PXDC1: variants seen among roughly 807,000 people sequenced by gnomAD.
The protein encoded by PXDC1 is PX domain containing 1.
A neutral mutation model predicts 24.4 loss-of-function variants in PXDC1; 13 were observed. That is an observed-to-expected ratio of 0.53 (90% CI 0.35 to 0.85). PXDC1 has a LOEUF of 0.85. Among genes scored for constraint, PXDC1 ranks in the 40% least tolerant of loss-of-function variants. PXDC1 has a pLI of 0.01. For missense variants in PXDC1, 344 were observed against 309.3 expected (o/e 1.11, Z -0.84); for synonymous variants, 162 against 124.9 (o/e 1.30, Z -1.98).
At position 3,751,536 on chromosome 6, in the gene PXDC1, C is replaced by T. The variant is rs778833497; in HGVS notation, c.-5G>A. On this transcript the variant is annotated 5_prime_UTR_variant, in exon 1 of 5. Transcript: ENST00000380283. Reference sequence around the variant, plus strand: ...CTCAAACACCGCCGAGGCCATGTCGCACGCATGCCCCCGCCAAGGGCTCCC... The same window carrying T: ...CTCAAACACCGCCGAGGCCATGTCGTACGCATGCCCCCGCCAAGGGCTCCC... The T allele has an allele frequency of 3.2e-5, 50 of 1,565,304 alleles. No homozygotes were observed. In the Middle Eastern group the frequency reaches 6.7e-4, roughly 21 times the overall value.
In PXDC1 at chr6:3,735,971, C is replaced by T. The variant is rs1760307149; in HGVS notation, c.466+1108G>A. On this transcript the variant is annotated intron_variant, in intron 3 of 4. Transcript: ENST00000380283. ...GGGTCAGGTGTGCCACCACCCTGCG[C>T]ACACACAATCCTATTAATATCTACA... Among the ~76,000 whole-genome samples, 4 of 152,288 alleles carry T rather than the reference C, an allele frequency of 2.6e-5. No individual in the cohort carries two copies. In the South Asian group the frequency reaches 6.2e-4, roughly 24 times the overall value.
chr6:3,747,352 C>T (rs1760593661), intron 1 of PXDC1, among the ~76,000 whole-genome samples: 2 of 152,188 alleles, frequency 1.3e-5, no homozygotes, highest in African/African-American at 2.4e-5. Flanking sequence ...CCTGCCTCCA[C>T]GCCTCCCCTG....
At chr6:3,748,333 A>T (rs1760614209) in intron 1 of PXDC1, among the ~76,000 whole-genome samples, 7 of 152,074 alleles carry the variant, frequency 4.6e-5, no homozygotes, top group Admixed American at 4.6e-4. Flanking sequence ...TCCAATCTGG[A>T]TGGAGAAGAA....
At chr6:3,726,034 C>T (rs974857154) in intron 4 of PXDC1, among the ~76,000 whole-genome samples, 10 of 152,184 alleles carry the variant, frequency 6.6e-5, no homozygotes, top group African/African-American at 1.9e-4. Flanking sequence ...TTCTTCCCTC[C>T]GTGTGTTTCT....
Position 3,725,619 on chromosome 6 carries a change from G to A in PXDC1, c.579-1883C>T, listed in dbSNP as rs1288872722. On this transcript the variant is annotated intron_variant, in intron 4 of 4. Transcript: ENST00000380283. This position sits in a 1 kb window ranked among gnomAD's most constrained non-coding sequence, Gnocchi z 4.8. ...AGGCTCGGGCCAGACAATCAGCCTC[G>A]GGTGCCAGGGAGGACAGCCACGCAG... Among the ~76,000 whole-genome samples the A allele has an allele frequency of 1.3e-5, 2 of 152,172 alleles. No homozygotes were observed. The highest frequency in any genetic ancestry group is 2.4e-5 in the African/African-American group (1 of 41,442).
chr6:3,732,719 G>A (rs1020336116), intron 3 of PXDC1, among the ~76,000 whole-genome samples: 7 of 152,282 alleles, frequency 4.6e-5, no homozygotes, highest in South Asian at 2.1e-4. Context: ...TGCTAGCGCC[G>A]GGCGCCATCT....
rs1760133316 is a variant in PXDC1, at chr6:3,728,874, C to T, written c.467-1212G>A. Among the ~76,000 whole-genome samples the T allele has an allele frequency of 6.6e-6, 1 of 152,152 alleles. No individual in the cohort carries two copies. The highest frequency in any genetic ancestry group is 1.5e-5 in the Non-Finnish European group (1 of 68,032). ...TTGGAGCTAAAGTCCTCCAGCTGCC[C>T]GTGAGCCTGCTCATCTCCTAACCAC... On this transcript the variant is annotated intron_variant, in intron 3 of 4. Transcript: ENST00000380283. This position sits in a 1 kb window ranked among gnomAD's most constrained non-coding sequence, Gnocchi z 4.0.
At chr6:3,749,408 A>G (rs183996575) in intron 1 of PXDC1, among the ~76,000 whole-genome samples, 1 of 150,308 alleles carries the variant, frequency 6.7e-6, no homozygotes, top group African/African-American at 2.4e-5. Context: ...CCTTTTCTCC[A>G]CGGTAATCGC....
In PXDC1 at chr6:3,751,301, T is replaced by C. The variant is rs79825275; in HGVS notation, c.231A>G (p.Glu77=). 6.1e-3 allele frequency: 9,421 copies of C among 1,537,934 alleles called. 510 individuals carry two copies. The African/African-American group carries it at 0.12, about 19-fold the overall frequency. Residue 77 remains glutamate (E), a synonymous_variant, in exon 1 of 5, where the codon GAA becomes GAG. Coordinates refer to ENST00000380283, the MANE Select transcript of PXDC1 (RefSeq NM_183373.4). ...CTTGCCGCAGCGGCCCCTGCGCCAG[T>C]TCGGACCGGTCCTCGGGAAAGGCGT... ...LRDAFPEDRS[E]LAQGPLRQGL...
rs759160711 is a variant in PXDC1 at position 3,723,697 on chromosome 6, G to A, written c.618C>T (p.Asp206=). The A allele has an allele frequency of 1.9e-5, 30 of 1,614,050 alleles. No individual in the cohort carries two copies. The highest frequency in any genetic ancestry group is 1.6e-4 in the Middle Eastern group (1 of 6,084). The change falls in exon 5 of 5, where the codon GAC becomes GAT. Residue 206 remains aspartate, a synonymous_variant. Coordinates refer to ENST00000380283, the MANE Select transcript of PXDC1 (RefSeq NM_183373.4). The stretch of plus-strand genomic sequence containing the variant: ...TGACGTAGGCTGCTGGGTCGTCCCC[G>A]TCCTCCAGCTCTGAGGGAAACTCAC... ...NGSEFPSELE[D]GDDPAAYVTN...
chr6:3,750,043 G>A (rs1378026574), intron 1 of PXDC1, among the ~76,000 whole-genome samples: 1 of 152,268 alleles, frequency 6.6e-6, no homozygotes, highest in Admixed American at 6.5e-5. Context: ...AGGCTCTGGG[G>A]AGCAGAGGGA....
chr6:3,751,455 C>A lies in PXDC1; in HGVS notation c.77G>T (p.Arg26Met). The change falls in exon 1 of 5, where the codon AGG becomes ATG. Residue 26 changes from arginine (R) to methionine (M), a missense_variant. By Grantham distance (91) the Arg-to-Met change is moderately conservative. Transcript: ENST00000380283. ...GTCGCCGCGCCGGCTGACGATGAGC[C>A]TGCGGATGCCGTTCACCCAGCAGCC... ...VRGCWVNGIR[R>M]LIVSRRGDEE... 1 of 1,601,950 alleles carries A rather than the reference C, an allele frequency of 6.2e-7. No homozygotes were observed. Among genetic ancestry groups the A allele is most frequent in the Non-Finnish European group, 8.5e-7 (1 of 1,175,500 alleles).
chr6:3,732,838 C>T (rs940482624), intron 3 of PXDC1, among the ~76,000 whole-genome samples: 4 of 151,984 alleles, frequency 2.6e-5, no homozygotes, highest in Admixed American at 2.6e-4. Flanking sequence ...AGTGCCTGTT[C>T]CCCATGGCAC....
chr6:3,749,256 T>G (rs1196730262), intron 1 of PXDC1, among the ~76,000 whole-genome samples: 1 of 150,718 alleles, frequency 6.6e-6, no homozygotes, highest in African/African-American at 2.4e-5. Context: ...AGTTCCACGG[T>G]GTGCTGTGAG....
chr6:3,727,499 G>A, intron 4 of PXDC1, 52 bp downstream of exon 4: 1 of 1,329,598 alleles, frequency 7.5e-7, no homozygotes, highest in Admixed American at 1.7e-5. Flanking sequence ...CATCCCACAA[G>A]GCAAATGGCT....
In PXDC1 at chr6:3,751,219, T is replaced by C. The variant is rs1011907252; in HGVS notation, c.256+57A>G. On this transcript the variant is annotated intron_variant, in intron 1 of 4. Coordinates refer to ENST00000380283, the MANE Select transcript of PXDC1 (RefSeq NM_183373.4). ...GGTTGAAGTCTCTTCCCCGCCTCCTTCGTGCACTTCAAGGCTGCCTCGGCC... is the reference window on the plus strand; with the variant it reads ...GGTTGAAGTCTCTTCCCCGCCTCCTCCGTGCACTTCAAGGCTGCCTCGGCC... 15 of 1,284,768 alleles carry C rather than the reference T, an allele frequency of 1.2e-5. No individual in the cohort carries two copies. In the African/African-American group the frequency reaches 1.9e-4, roughly 16 times the overall value. 79.6% of individuals were successfully genotyped at this position (1,284,768 alleles called of 1,614,324 possible). A position where few individuals can be genotyped will look rare whatever the true frequency, so the allele number is the denominator to read the frequency against.
intron 1 of PXDC1, among the ~76,000 whole-genome samples, chr6:3,749,900 T>A: frequency 6.6e-6 from 1 of 152,250 alleles, no homozygotes; most frequent in Non-Finnish European, 1.5e-5. Context: ...AAACCGCTGT[T>A]CCTTCACGAT....
At chr6:3,738,630 C>T (rs1352432051) in intron 1 of PXDC1, among the ~76,000 whole-genome samples, 1 of 149,656 alleles carries the variant, frequency 6.7e-6, no homozygotes, top group Non-Finnish European at 1.5e-5. Flanking sequence ...TTAGACCAGT[C>T]ATTTACATGC....
intron 1 of PXDC1, among the ~76,000 whole-genome samples, chr6:3,743,537 T>C (rs1005616080): frequency 2.0e-5 from 3 of 152,128 alleles, no homozygotes; most frequent in African/African-American, 7.2e-5. Flanking sequence ...AAACTAAATA[T>C]CTAAAATGTT....
Sources: allele counts gnomAD v4.1 joint callset (sites outside exome capture counted in the v4.1 genomes callset), GRCh38; gene constraint gnomAD v4.1.1; non-coding constraint Gnocchi (gnomAD v3.1); transcripts MANE v1.5; gene names NCBI Gene and HGNC (gene_info 2026-07-23, HGNC 2026-07-21).